The following HHAT variants were observed in gnomAD, a reference collection of about 807,000 sequenced individuals.
HHAT encodes protein-cysteine N-palmitoyltransferase HHAT.
A neutral mutation model predicts 70.8 loss-of-function variants in HHAT; 47 were observed. The ratio of observed to expected loss-of-function variants is 0.66; its 90% CI spans 0.53 to 0.85. HHAT has a LOEUF of 0.85. Among genes scored for constraint, HHAT ranks in the 40% least tolerant of loss-of-function variants. The pLI is 0.00. For synonymous variants in HHAT, 228 were observed against 247.6 expected, an observed-to-expected ratio of 0.92 and a Z score of 0.74; for missense variants, 609 against 604.8, an observed-to-expected ratio of 1.01 and a Z score of -0.07.
intron 3 of HHAT, among the ~76,000 whole-genome samples, chr1:210,376,876 A>T (rs1031878176): frequency 1.3e-5 from 2 of 152,312 alleles, no homozygotes; most frequent in African/African-American, 2.4e-5. Context: ...CCCTAGATAG[A>T]TGGCAAAAAT....
intron 9 of HHAT, among the ~76,000 whole-genome samples, chr1:210,560,353 C>T (rs2095610072): frequency 6.6e-6 from 1 of 152,010 alleles, no homozygotes; most frequent in African/African-American, 2.4e-5. Context: ...CATATCTCAC[C>T]TCTCTCATGC....
intron 4 of HHAT, among the ~76,000 whole-genome samples, chr1:210,396,701 A>C (rs942049619): frequency 6.6e-6 from 1 of 152,236 alleles, no homozygotes. Flanking sequence ...GATAGCCTCC[A>C]GTAGGTTAAT....
At chr1:210,378,018 A>G (rs992755784) in intron 3 of HHAT, among the ~76,000 whole-genome samples, 1 of 152,282 alleles carries the variant, frequency 6.6e-6, no homozygotes, top group African/African-American at 2.4e-5. Flanking sequence ...AATTGTAAGC[A>G]GTAAAATGAT....
Position 210,353,033 on chromosome 1 carries a change from TCAAG to T in HHAT, c.91+3971_91+3974del. Among the ~76,000 whole-genome samples, 9 of 152,068 alleles carry T rather than the reference TCAAG, an allele frequency of 5.9e-5. 1 individual carries two copies. In the South Asian group the frequency reaches 1.9e-3, roughly 32 times the overall value. Reference sequence around the variant, plus strand: ...TCACTGCAACCTCTGCCTCCCAGGTTCAAGCAATTCTTCTGTCTTAGCCTCCTGA... The same window carrying T: ...TCACTGCAACCTCTGCCTCCCAGGTTCAATTCTTCTGTCTTAGCCTCCTGA... On this transcript the variant is annotated intron_variant, in intron 2 of 11. Coordinates refer to ENST00000261458, the MANE Select transcript of HHAT (RefSeq NM_018194.6).
chr1:210,448,620 G>GA (rs962448260), intron 7 of HHAT, among the ~76,000 whole-genome samples: 21 of 152,200 alleles, frequency 1.4e-4, no homozygotes, highest in African/African-American at 4.8e-4. Flanking sequence ...AGACCAGAGA[G>GA]AGAGAGTCTA....
intron 2 of HHAT, among the ~76,000 whole-genome samples, chr1:210,361,409 C>G (rs2088299400): frequency 6.6e-6 from 1 of 152,222 alleles, no homozygotes; most frequent in South Asian, 2.1e-4. Flanking sequence ...ACCTCCATGG[C>G]ACACCCAGAT....
chr1:210,521,806 T>C (rs1300439163), intron 9 of HHAT, among the ~76,000 whole-genome samples: 1 of 152,224 alleles, frequency 6.6e-6, no homozygotes, highest in Non-Finnish European at 1.5e-5. Context: ...TTAGACCTTT[T>C]TGGGCTCTGA....
chr1:210,402,417 C>T (rs1052004059), intron 5 of HHAT, among the ~76,000 whole-genome samples: 4 of 152,226 alleles, frequency 2.6e-5, no homozygotes, highest in Admixed American at 6.5e-5. Context: ...GCTTACCTTT[C>T]CCTTTACACA....
At chr1:210,344,770 C>T (rs1349886421) in intron 1 of HHAT, among the ~76,000 whole-genome samples, 1 of 152,108 alleles carries the variant, frequency 6.6e-6, no homozygotes, top group Non-Finnish European at 1.5e-5. Context: ...TGAAATAGTA[C>T]AGGCACCTGT....
intron 9 of HHAT, among the ~76,000 whole-genome samples, chr1:210,566,809 T>A (rs1467647218): frequency 6.6e-6 from 1 of 152,142 alleles, no homozygotes; most frequent in Non-Finnish European, 1.5e-5. Context: ...GTGACCCAGT[T>A]CTTCAGGGAT....
At chr1:210,471,988 G>A (rs1187359991) in intron 8 of HHAT, among the ~76,000 whole-genome samples, 1 of 151,932 alleles carries the variant, frequency 6.6e-6, no homozygotes, top group Non-Finnish European at 1.5e-5. Flanking sequence ...GATAATCCGG[G>A]GAAATGGACA....
intron 5 of HHAT, among the ~76,000 whole-genome samples, chr1:210,403,940 T>G (rs1558446570): frequency 6.6e-6 from 1 of 152,098 alleles, no homozygotes; most frequent in Non-Finnish European, 1.5e-5. Flanking sequence ...ACTTTTTTTT[T>G]TTTTTTTTAA....
intron 3 of HHAT, among the ~76,000 whole-genome samples, chr1:210,385,886 T>C (rs1029000209): frequency 1.3e-5 from 2 of 152,182 alleles, no homozygotes; most frequent in Non-Finnish European, 2.9e-5. Context: ...TAAGTACTAT[T>C]GTCATATGAA....
At chr1:210,432,140 G>A (rs1306185536) in intron 7 of HHAT, among the ~76,000 whole-genome samples, 1 of 151,720 alleles carries the variant, frequency 6.6e-6, no homozygotes, top group Non-Finnish European at 1.5e-5. Context: ...CCAGGGATGC[G>A]ACTGGAGCTC....
At chr1:210,447,870 A>T (rs1329271351) in intron 7 of HHAT, among the ~76,000 whole-genome samples, 1 of 152,196 alleles carries the variant, frequency 6.6e-6, no homozygotes, top group Non-Finnish European at 1.5e-5. Flanking sequence ...CCCTAGACAC[A>T]GATCTGTCTC....
chr1:210,643,556 T>C (rs1218099626), intron 11 of HHAT, among the ~76,000 whole-genome samples: 1 of 152,228 alleles, frequency 6.6e-6, no homozygotes, highest in African/African-American at 2.4e-5. Flanking sequence ...TCCTCTTTTG[T>C]AAGGCATCAT....
intron 9 of HHAT, among the ~76,000 whole-genome samples, chr1:210,559,641 C>T (rs1373351254): frequency 6.6e-5 from 10 of 152,258 alleles, no homozygotes; most frequent in African/African-American, 1.9e-4. Flanking sequence ...GTTTTCCCAC[C>T]AAATGTCCTG....
chr1:210,413,864 A>G (rs2148254451), intron 6 of HHAT, among the ~76,000 whole-genome samples: 1 of 152,254 alleles, frequency 6.6e-6, no homozygotes, highest in Non-Finnish European at 1.5e-5. Context: ...TCCCTTAAAG[A>G]TCCATTTACA....
intron 11 of HHAT, among the ~76,000 whole-genome samples, chr1:210,646,088 T>G (rs545405370): frequency 6.6e-6 from 1 of 152,338 alleles, no homozygotes; most frequent in South Asian, 2.1e-4. Flanking sequence ...TCCTCCAAAA[T>G]CTGCTGACTG....
Sources: gnomAD v4.1 joint callset for allele counts (sites outside exome capture counted in the v4.1 genomes callset) on GRCh38, gnomAD v4.1.1 for gene constraint, MANE v1.5 for transcripts, NCBI Gene and HGNC (gene_info 2026-07-23, HGNC 2026-07-21) for gene names.